The following EFEMP1 variants were observed in gnomAD, a reference collection of about 807,000 sequenced individuals.
The protein encoded by EFEMP1 is EGF-containing fibulin-like extracellular matrix protein 1.
In EFEMP1, 18 loss-of-function variants were observed where a neutral mutation model predicts 65.7. The observed-to-expected ratio is 0.27, with a 90% CI of 0.19 to 0.41. EFEMP1 has a LOEUF of 0.41. Among genes scored for constraint, EFEMP1 ranks in the 10% least tolerant of loss-of-function variants. EFEMP1 has a pLI of 1.00. For synonymous variants in EFEMP1, 237 were observed against 219.7 expected, an observed-to-expected ratio of 1.08 and a Z score of -0.70; for missense variants, 469 against 624.8, an observed-to-expected ratio of 0.75 and a Z score of 2.66.
At chr2:55,895,470 C>A (rs1233128708) in intron 5 of EFEMP1, among the ~76,000 whole-genome samples, 1 of 152,168 alleles carries the variant, frequency 6.6e-6, no homozygotes, top group Non-Finnish European at 1.5e-5. Context: ...CCTTGGGGGT[C>A]CAGCTCAACT....
At position 55,877,318 on chromosome 2, in the gene EFEMP1, C is replaced by T. The variant is rs951322337; in HGVS notation, c.760+428G>A. Among the ~76,000 whole-genome samples, 1 of 152,010 alleles carries T rather than the reference C, an allele frequency of 6.6e-6. No homozygotes were observed. The highest frequency in any genetic ancestry group is 1.5e-5 in the Non-Finnish European group (1 of 68,002). On this transcript the variant is annotated intron_variant, in intron 7 of 11. Transcript: ENST00000355426. This position sits in a 1 kb window ranked among gnomAD's most constrained non-coding sequence, Gnocchi z 4.5. ...CATTTTTCCTACACTAGATTTTTTCCATGTCATGCCAATCTTTTAATTGTG... is the reference window on the plus strand; with the variant it reads ...CATTTTTCCTACACTAGATTTTTTCTATGTCATGCCAATCTTTTAATTGTG...
At position 55,867,230 on chromosome 2, in the gene EFEMP1, G is replaced by T. The variant is rs1239651773; in HGVS notation, c.1325C>A (p.Thr442Lys). Residue 442 changes from threonine to lysine, a missense_variant, in exon 12 of 12, where the codon ACA becomes AAA. Physicochemically the swap from Thr to Lys is moderately conservative, Grantham distance 78. Coordinates refer to ENST00000355426, the MANE Select transcript of EFEMP1 (RefSeq NM_001039348.3). This position sits in a 1 kb window ranked among gnomAD's most constrained non-coding sequence, Gnocchi z 4.3. The stretch of plus-strand genomic sequence containing the variant: ...CACAAGCATTGCACTTACAGGACTT[G>T]TTTGCTAAAATAAAAGAAAATAGAG... ...NENGEFYLRQ[T>K]SPVSAMLVLV... 1.2e-6 allele frequency: 2 copies of T among 1,613,574 alleles called. No individual in the cohort carries two copies. Among genetic ancestry groups the T allele is most frequent in the Non-Finnish European group, 1.7e-6 (2 of 1,179,826 alleles).
intron 9 of EFEMP1, among the ~76,000 whole-genome samples, chr2:55,874,388 C>T (rs763481481): frequency 3.3e-5 from 5 of 151,752 alleles, no homozygotes; most frequent in East Asian, 1.9e-4. Flanking sequence ...CTTCCACTTA[C>T]GTATAGGTGT....
chr2:55,908,239 C>T (rs1572839630), intron 5 of EFEMP1, among the ~76,000 whole-genome samples: 1 of 152,170 alleles, frequency 6.6e-6, no homozygotes, highest in African/African-American at 2.4e-5. Context: ...ATGGACTGCT[C>T]AGAGTCCTTC....
rs1413929957 is a variant in EFEMP1, at chr2:55,921,262, TGAA to T, written c.81+1095_81+1097del. Reference sequence around the variant, plus strand: ...GCAGAGGAAGCAACTGCATTTAACATGAAGTTAACAAAATATTTGTATTAAGCT... The same window carrying T: ...GCAGAGGAAGCAACTGCATTTAACATGTTAACAAAATATTTGTATTAAGCT... On this transcript the variant is annotated intron_variant, in intron 3 of 11. Transcript: ENST00000355426. This position sits in a 1 kb window ranked among gnomAD's most constrained non-coding sequence, Gnocchi z 4.1. Among the ~76,000 whole-genome samples, 1 of 152,226 alleles carries T rather than the reference TGAA, an allele frequency of 6.6e-6. No individual in the cohort carries two copies. The highest frequency in any genetic ancestry group is 2.4e-5 in the African/African-American group (1 of 41,462).
intron 5 of EFEMP1, among the ~76,000 whole-genome samples, chr2:55,905,090 G>T (rs866646762): frequency 1.5e-4 from 22 of 148,620 alleles, no homozygotes; most frequent in South Asian, 2.1e-4. Context: ...GGCTTGGTAT[G>T]AATTTGAACC....
In EFEMP1 at chr2:55,886,781, T is replaced by C. The variant is rs1454545078; in HGVS notation, c.518-5047A>G. Among the ~76,000 whole-genome samples, 1 of 152,158 alleles carries C rather than the reference T, an allele frequency of 6.6e-6. No individual in the cohort carries two copies. Among genetic ancestry groups the C allele is most frequent in the Admixed American group, 6.6e-5 (1 of 15,260 alleles). On this transcript the variant is annotated intron_variant, in intron 5 of 11. Transcript: ENST00000355426. The surrounding 1 kb of genome is among the most constrained non-coding windows in gnomAD (Gnocchi z 4.0). ...CACTGAGTGAAGGTCTTAGAGGTAT[T>C]TGGAGTATTTTGTTTTTCAATATAA...
At position 55,877,611 on chromosome 2, in the gene EFEMP1, T is replaced by C. The variant is rs1410405364; in HGVS notation, c.760+135A>G. 2.9e-6 allele frequency: 4 copies of C among 1,395,386 alleles called. No homozygotes were observed. In the South Asian group the frequency reaches 3.6e-5, roughly 13 times the overall value. 86.4% of individuals were successfully genotyped at this position (1,395,386 alleles called of 1,614,324 possible). A position where few individuals can be genotyped will look rare whatever the true frequency, so the allele number is the denominator to read the frequency against. On this transcript the variant is annotated intron_variant, in intron 7 of 11. Transcript: ENST00000355426. This position sits in a 1 kb window ranked among gnomAD's most constrained non-coding sequence, Gnocchi z 4.5. ...TTAAGACACAGATTGGTTATTATCTTTTAAGCTTTATGATTGCTGAAGGGA... is the reference window on the plus strand; with the variant it reads ...TTAAGACACAGATTGGTTATTATCTCTTAAGCTTTATGATTGCTGAAGGGA...
rs1226034655 is a variant in EFEMP1 at position 55,871,782 on chromosome 2, C to T, written c.1001-659G>A. Among the ~76,000 whole-genome samples, 1 of 152,072 alleles carries T rather than the reference C, an allele frequency of 6.6e-6. No individual in the cohort carries two copies. The highest frequency in any genetic ancestry group is 2.4e-5 in the African/African-American group (1 of 41,416). On this transcript the variant is annotated intron_variant, in intron 9 of 11. Transcript: ENST00000355426. This position sits in a 1 kb window ranked among gnomAD's most constrained non-coding sequence, Gnocchi z 4.2. ...TGAAGCATGCTGGGAGTGGATTATA[C>T]TGTCCAGAGGAAGCACAGCACAGGA... is the stretch of plus-strand genomic sequence containing the variant.
At position 55,917,844 on chromosome 2, in the gene EFEMP1, A is replaced by C. The variant is rs1337147981; in HGVS notation, c.338T>G (p.Leu113Trp). Residue 113 changes from leucine to tryptophan, a missense_variant, in exon 5 of 12, where the codon TTG (leucine) becomes TGG (tryptophan). Transcript: ENST00000355426. This position sits in a 1 kb window ranked among gnomAD's most constrained non-coding sequence, Gnocchi z 6.3. ...AASSMATSGV[L>W]PGGGFVASAA... ...ACTGGCCACAAAACCACCCCCGGGC[A>C]ACACTCCACTGGTTGCCATGCTGCT... The C allele has an allele frequency of 6.2e-7, 1 of 1,614,206 alleles. No individual in the cohort carries two copies. The highest frequency in any genetic ancestry group is 8.5e-7 in the Non-Finnish European group (1 of 1,180,028).
intron 5 of EFEMP1, among the ~76,000 whole-genome samples, chr2:55,899,959 G>A (rs1669970915): frequency 6.6e-6 from 1 of 151,180 alleles, no homozygotes; most frequent in African/African-American, 2.4e-5. Flanking sequence ...TCTGGTTTCA[G>A]TTTAATTTTT....
rs1471841207 is a variant in EFEMP1 at position 55,877,300 on chromosome 2, C to T, written c.760+446G>A. On this transcript the variant is annotated intron_variant, in intron 7 of 11. Transcript: ENST00000355426. This position sits in a 1 kb window ranked among gnomAD's most constrained non-coding sequence, Gnocchi z 4.5. ...GAAAATATTGTGAAAAGGCATTTTT[C>T]CTACACTAGATTTTTTCCATGTCAT... 3.9e-5 allele frequency among the ~76,000 whole-genome samples: 6 copies of T among 152,070 alleles called. No homozygotes were observed. Among genetic ancestry groups the T allele is most frequent in the Non-Finnish European group, 7.4e-5 (5 of 68,004 alleles).
chr2:55,882,317 T>C (rs1243379054), intron 5 of EFEMP1, among the ~76,000 whole-genome samples: 1 of 148,668 alleles, frequency 6.7e-6, no homozygotes, highest in South Asian at 2.3e-4. Context: ...GCAACATGTA[T>C]GTATAAATCT....
At chr2:55,918,613 T>TA (rs397760983) in intron 3 of EFEMP1, among the ~76,000 whole-genome samples, 37,419 of 139,078 alleles carry the variant, frequency 0.27, 5,954 homozygotes, top group African/African-American at 0.44. Flanking sequence ...TTGGAAATGT[T>TA]AAAAAAAAAA....
At chr2:55,904,156 T>C (rs1170275240) in intron 5 of EFEMP1, among the ~76,000 whole-genome samples, 1 of 152,222 alleles carries the variant, frequency 6.6e-6, no homozygotes, top group Non-Finnish European at 1.5e-5. Context: ...CTGATTTTCA[T>C]ACTTGAGTGC....
At chr2:55,887,721 A>C (rs1188905109) in intron 5 of EFEMP1, among the ~76,000 whole-genome samples, 1 of 152,216 alleles carries the variant, frequency 6.6e-6, no homozygotes, top group Non-Finnish European at 1.5e-5. Context: ...GATTGTTAAT[A>C]ATTTGGTGTG....
At chr2:55,878,712 T>C (rs1038234744) in intron 6 of EFEMP1, among the ~76,000 whole-genome samples, 5 of 152,154 alleles carry the variant, frequency 3.3e-5, no homozygotes, top group Non-Finnish European at 7.4e-5. Flanking sequence ...GGTACTTTAA[T>C]AACTAAAATT....
chr2:55,887,793 ATTTC>A (rs1669474907), intron 5 of EFEMP1, among the ~76,000 whole-genome samples: 1 of 152,180 alleles, frequency 6.6e-6, no homozygotes, highest in Admixed American at 6.6e-5. Context: ...CTGATAGTTC[ATTTC>A]TTTGTTTTAG....
intron 11 of EFEMP1, among the ~76,000 whole-genome samples, chr2:55,868,815 C>A (rs1668684211): frequency 6.6e-6 from 1 of 152,158 alleles, no homozygotes; most frequent in Non-Finnish European, 1.5e-5. Flanking sequence ...TAGAGCTGAG[C>A]ATGTAGTAGG....
Sources: allele counts gnomAD v4.1 joint callset (sites outside exome capture counted in the v4.1 genomes callset), GRCh38; gene constraint gnomAD v4.1.1; non-coding constraint Gnocchi (gnomAD v3.1); transcripts MANE v1.5; gene names NCBI Gene and HGNC (gene_info 2026-07-23, HGNC 2026-07-21).